Variants in PARD3B observed in about 807,000 individuals in gnomAD.
The protein encoded by PARD3B is partitioning defective 3 homolog B.
In PARD3B, 103 loss-of-function variants were observed where a neutral mutation model predicts 130.2. The observed-to-expected ratio is 0.79, with a 90% confidence interval of 0.67 to 0.93. PARD3B has a LOEUF of 0.93. Among genes scored for constraint, PARD3B ranks in the 40% least tolerant of loss-of-function variants. The pLI is 0.00. For synonymous variants in PARD3B, 583 were observed against 553.2 expected, an observed-to-expected ratio of 1.05 and a Z score of -0.76; for missense variants, 1,609 against 1,499.2, an observed-to-expected ratio of 1.07 and a Z score of -1.21.
chr2:204,617,800 G>T (rs2034164346), intron 1 of PARD3B, among the ~76,000 whole-genome samples: 1 of 152,112 alleles, frequency 6.6e-6, no homozygotes, highest in Admixed American at 6.6e-5. Flanking sequence ...TGCAGTATTT[G>T]GTTTTCTGTT....
At chr2:205,279,002 C>T (rs374042699) in intron 16 of PARD3B, among the ~76,000 whole-genome samples, 99 of 129,174 alleles carry the variant, frequency 7.7e-4, no homozygotes, top group African/African-American at 2.5e-3. Context: ...ACCCAGGAGG[C>T]GGAGCTTGCA....
intron 1 of PARD3B, among the ~76,000 whole-genome samples, chr2:204,648,629 T>C (rs550124051): frequency 1.1e-3 from 134 of 120,228 alleles, no homozygotes; most frequent in African/African-American, 4.2e-3. Flanking sequence ...CTATAATTTA[T>C]ATATAATATA....
At chr2:205,022,682 A>C (rs1333214510) in intron 3 of PARD3B, among the ~76,000 whole-genome samples, 1 of 152,200 alleles carries the variant, frequency 6.6e-6, no homozygotes, top group East Asian at 1.9e-4. Flanking sequence ...AGCTGATCTC[A>C]AGAATTAGGT....
intron 2 of PARD3B, among the ~76,000 whole-genome samples, chr2:204,917,427 A>T (rs1437676747): frequency 6.6e-6 from 1 of 152,136 alleles, no homozygotes; most frequent in Admixed American, 6.5e-5. Context: ...ATTTCATGTG[A>T]GGAGTGAGAG....
At chr2:205,434,425 T>C (rs946268695) in intron 19 of PARD3B, among the ~76,000 whole-genome samples, 1 of 152,196 alleles carries the variant, frequency 6.6e-6, no homozygotes, top group African/African-American at 2.4e-5. Context: ...AGAACACTCG[T>C]GACGCATTCA....
At position 204,677,280 on chromosome 2, in the gene PARD3B, A is replaced by G. The variant is rs771479914; in HGVS notation, c.121-8901A>G. ...AATGAATACTCCAAGTCTAGATTAAAAACAGGTAGCATTGGCCTTATTCAG... is the reference window on the plus strand; with the variant it reads ...AATGAATACTCCAAGTCTAGATTAAGAACAGGTAGCATTGGCCTTATTCAG... On this transcript the variant is annotated intron_variant, in intron 1 of 22. Transcript: ENST00000406610. The surrounding 1 kb of genome is among the most constrained non-coding windows in gnomAD (Gnocchi z 4.1). 6.6e-6 allele frequency among the ~76,000 whole-genome samples: 1 copy of G among 152,188 alleles called. No individual in the cohort carries two copies. The highest frequency in any genetic ancestry group is 2.1e-4 in the South Asian group (1 of 4,822).
chr2:205,497,152 A>C (rs1361296141), intron 20 of PARD3B, among the ~76,000 whole-genome samples: 1 of 151,446 alleles, frequency 6.6e-6, no homozygotes, highest in Non-Finnish European at 1.5e-5. Flanking sequence ...TTTTTTAAGT[A>C]TAGTAAAGAA....
At chr2:205,298,901 TG>T (rs2041888535) in intron 16 of PARD3B, among the ~76,000 whole-genome samples, 1 of 152,184 alleles carries the variant, frequency 6.6e-6, no homozygotes, top group South Asian at 2.1e-4. Context: ...GCTCCTGGTC[TG>T]GATGCTTATT....
At chr2:205,308,385 T>A (rs2042255346) in intron 18 of PARD3B, among the ~76,000 whole-genome samples, 1 of 152,028 alleles carries the variant, frequency 6.6e-6, no homozygotes, top group Non-Finnish European at 1.5e-5. Context: ...GGCAGGCAGA[T>A]CACGAGGTCA....
intron 4 of PARD3B, among the ~76,000 whole-genome samples, chr2:205,087,497 C>CT (rs535390182): frequency 5.9e-5 from 9 of 151,282 alleles, no homozygotes; most frequent in South Asian, 2.1e-4. Flanking sequence ...TACATTTTCT[C>CT]TTTTTTTTTC....
intron 19 of PARD3B, among the ~76,000 whole-genome samples, chr2:205,417,739 A>G (rs1023934622): frequency 6.6e-6 from 1 of 152,220 alleles, no homozygotes; most frequent in Non-Finnish European, 1.5e-5. Flanking sequence ...TGCAAGATCA[A>G]TCCAGCCCCC....
At chr2:205,394,999 A>C (rs78909863) in intron 18 of PARD3B, among the ~76,000 whole-genome samples, 1 of 152,172 alleles carries the variant, frequency 6.6e-6, no homozygotes, top group African/African-American at 2.4e-5. Flanking sequence ...GGTAAATTTT[A>C]TGTTACGTAT....
rs1379876991 is a variant in PARD3B at position 205,460,394 on chromosome 2, T to TGAC, written c.3044+19724_3044+19725insCGA. On this transcript the variant is annotated intron_variant, in intron 20 of 22. Transcript: ENST00000406610. The surrounding 1 kb of genome is among the most constrained non-coding windows in gnomAD (Gnocchi z 4.9). ...TTATCAAGACTAAGGATGTTGATAG[T>TGAC]GATGATGATGATGATGATGATGATG... Among the ~76,000 whole-genome samples the TGAC allele has an allele frequency of 1.3e-4, 3 of 23,272 alleles. No individual in the cohort carries two copies. Among genetic ancestry groups the TGAC allele is most frequent in the African/African-American group, 7.5e-4 (3 of 4,018 alleles). The allele number at this position is 23,272 out of a possible 152,430, so 15.3% of individuals were successfully genotyped here. A position where few individuals can be genotyped will look rare whatever the true frequency, so the allele number is the denominator to read the frequency against.
chr2:204,971,729 T>C (rs1691728252), intron 3 of PARD3B, among the ~76,000 whole-genome samples: 1 of 152,128 alleles, frequency 6.6e-6, no homozygotes, highest in African/African-American at 2.4e-5. Flanking sequence ...CAACAAAGTG[T>C]GTGCTTGCTT....
At chr2:204,598,278 G>A (rs1173058232) in intron 1 of PARD3B, among the ~76,000 whole-genome samples, 2 of 152,210 alleles carry the variant, frequency 1.3e-5, no homozygotes, top group Admixed American at 6.5e-5. Context: ...ACATGTTCAA[G>A]TTGGAAAATT....
At chr2:204,939,512 CAG>C (rs1688735005) in intron 2 of PARD3B, among the ~76,000 whole-genome samples, 1 of 152,132 alleles carries the variant, frequency 6.6e-6, no homozygotes. Context: ...CAAGGAATAA[CAG>C]AGAAATGAAG....
intron 18 of PARD3B, among the ~76,000 whole-genome samples, chr2:205,364,895 G>T (rs13033820): frequency 6.6e-6 from 1 of 151,930 alleles, no homozygotes; most frequent in African/African-American, 2.4e-5. Flanking sequence ...TTACCCCAAG[G>T]CCTCTCTTAG....
intron 3 of PARD3B, among the ~76,000 whole-genome samples, chr2:205,038,432 T>A (rs532796590): frequency 6.6e-6 from 1 of 152,300 alleles, no homozygotes; most frequent in South Asian, 2.1e-4. Context: ...ATCTGAGACC[T>A]GGCATTAACT....
intron 2 of PARD3B, among the ~76,000 whole-genome samples, chr2:204,904,946 T>C (rs1479407336): frequency 6.6e-6 from 1 of 152,220 alleles, no homozygotes; most frequent in Non-Finnish European, 1.5e-5. Flanking sequence ...ACTGTTGTAC[T>C]GCATTTGACA....
Sources: gnomAD v4.1 joint callset for allele counts (sites outside exome capture counted in the v4.1 genomes callset) on GRCh38, gnomAD v4.1.1 for gene constraint, Gnocchi (gnomAD v3.1) non-coding constraint, MANE v1.5 for transcripts, NCBI Gene and HGNC (gene_info 2026-07-23, HGNC 2026-07-21) for gene names.